Variants in SNX1 observed in about 807,000 individuals in gnomAD.
SNX1 encodes sorting nexin-1.
SNX1 carries 36 observed loss-of-function variants against 71.8 expected under a neutral mutation model. The observed-to-expected ratio is 0.50, with a 90% CI of 0.38 to 0.66. SNX1 has a LOEUF of 0.66. Among genes scored for constraint, SNX1 ranks in the 30% least tolerant of loss-of-function variants. SNX1 has a pLI of 0.00. For synonymous variants in SNX1, 254 were observed against 240.7 expected, an observed-to-expected ratio of 1.06 and a Z score of -0.51; for missense variants, 612 against 646.7, an observed-to-expected ratio of 0.95 and a Z score of 0.58.
Position 64,134,766 on chromosome 15 carries a change from A to G in SNX1, c.1324A>G (p.Lys442Glu). Residue 442 changes from lysine to glutamate, a missense_variant, in exon 12 of 15, where the codon AAG becomes GAG. By Grantham distance (56) the Lys-to-Glu change is moderately conservative. Transcript: ENST00000559844. The surrounding 1 kb of genome is among the most constrained non-coding windows in gnomAD (Gnocchi z 4.1). ...EAEARLLWANKPDKLQQAKDE... is the reference protein window; with the variant it reads ...EAEARLLWANEPDKLQQAKDE... Reference sequence around the variant, plus strand: ...CGAGGCTCGGCTGCTGTGGGCCAACAAGCCTGATAAGCTGCAGCAGGCCAA... The same window carrying G: ...CGAGGCTCGGCTGCTGTGGGCCAACGAGCCTGATAAGCTGCAGCAGGCCAA... 1 of 1,613,958 alleles carries G rather than the reference A, an allele frequency of 6.2e-7. No homozygotes were observed. Among genetic ancestry groups the G allele is most frequent in the Non-Finnish European group, 8.5e-7 (1 of 1,180,006 alleles).
chr15:64,100,022 G>A (rs1328417095), intron 1 of SNX1, among the ~76,000 whole-genome samples: 1 of 152,122 alleles, frequency 6.6e-6, no homozygotes, highest in African/African-American at 2.4e-5. Context: ...GACCTCAATA[G>A]CATTTTGCTA....
chr15:64,130,437 C>T (rs1262096511), intron 10 of SNX1, 116 bp downstream of exon 10: 1 of 821,634 alleles, frequency 1.2e-6, no homozygotes. Flanking sequence ...ATTCTCAGCC[C>T]ACCTGGTCCT....
chr15:64,132,632 C>G (rs2140159205), intron 11 of SNX1, among the ~76,000 whole-genome samples: 1 of 152,324 alleles, frequency 6.6e-6, no homozygotes, highest in African/African-American at 2.4e-5. Context: ...GGCACCTACA[C>G]TCTAAGGGCC....
At chr15:64,113,839 AAG>A (rs10642801) in intron 2 of SNX1, among the ~76,000 whole-genome samples, 18 of 84,052 alleles carry the variant, frequency 2.1e-4, no homozygotes, top group East Asian at 1.1e-3. Flanking sequence ...GAAAGAAAGA[AAG>A]AGAGAGAGAG....
At chr15:64,115,870 G>C (rs2081123761) in intron 2 of SNX1, among the ~76,000 whole-genome samples, 1 of 152,318 alleles carries the variant, frequency 6.6e-6, no homozygotes, top group East Asian at 1.9e-4. Context: ...TTCCAAACAT[G>C]TTTGTTAACT....
intron 4 of SNX1, among the ~76,000 whole-genome samples, chr15:64,121,212 T>C (rs966622862): frequency 6.6e-6 from 1 of 152,236 alleles, no homozygotes; most frequent in East Asian, 1.9e-4. Flanking sequence ...GGGAACATAC[T>C]GGTTTCCTAA....
At position 64,134,562 on chromosome 15, in the gene SNX1, C is replaced by T. The variant is rs2081337615; in HGVS notation, c.1222-102C>T. 5 of 1,390,432 alleles carry T rather than the reference C, an allele frequency of 3.6e-6. No individual in the cohort carries two copies. The highest frequency in any genetic ancestry group is 4.9e-6 in the Non-Finnish European group (5 of 1,026,838). The allele number at this position is 1,390,432 out of a possible 1,614,324, so 86.1% of individuals were successfully genotyped here. On this transcript the variant is annotated intron_variant, in intron 11 of 14. Coordinates refer to ENST00000559844, the MANE Select transcript of SNX1 (RefSeq NM_003099.5). This position sits in a 1 kb window ranked among gnomAD's most constrained non-coding sequence, Gnocchi z 4.1. The stretch of plus-strand genomic sequence containing the variant: ...TGTGGCTGCAGAACCTGCCCTTGCT[C>T]AGTCTGTCCCTGGTGCAGCTGCTGG...
rs1477228867 is a variant in SNX1, at chr15:64,129,215, C to T, written c.808-701C>T. On this transcript the variant is annotated intron_variant, in intron 8 of 14. Coordinates refer to ENST00000559844, the MANE Select transcript of SNX1 (RefSeq NM_003099.5). The surrounding 1 kb of genome is among the most constrained non-coding windows in gnomAD (Gnocchi z 4.4). ...TGAGCTGAGATCGTGCCACTGCACT[C>T]CAGCCTGGGCGACAAGAGCAAGACT... Among the ~76,000 whole-genome samples, 1 of 151,674 alleles carries T rather than the reference C, an allele frequency of 6.6e-6. No homozygotes were observed. Among genetic ancestry groups the T allele is most frequent in the African/African-American group, 2.4e-5 (1 of 41,232 alleles).
rs773120118 is a variant in SNX1 at position 64,137,571 on chromosome 15, G to T, written c.1522G>T (p.Ala508Ser). 2 of 1,614,134 alleles carry T rather than the reference G, an allele frequency of 1.2e-6. No individual in the cohort carries two copies. The highest frequency in any genetic ancestry group is 1.7e-6 in the Non-Finnish European group (2 of 1,180,006). Residue 508 changes from alanine to serine, a missense_variant, in exon 15 of 15, where the codon GCA becomes TCA. By Grantham distance (99) the Ala-to-Ser change is moderately conservative. This residue lies in a region of SNX1 where 296 missense variants were observed against 361.9 expected (regional missense o/e 0.82). Transcript: ENST00000559844. ...ETLLYSQQQL[A>S]KYWEAFLPEA... is the part of the protein sequence containing the mutation. ...TAATGTCCCCACTTCTTTGCAGCTG[G>T]CAAAGTACTGGGAAGCCTTCCTTCC...
At position 64,140,103 on chromosome 15, in the gene SNX1, G is replaced by C. The variant is rs1323287559; in HGVS notation, c.*2485G>C. The C allele has an allele frequency of 6.6e-6, 1 of 152,262 alleles. No homozygotes were observed. The highest frequency in any genetic ancestry group is 1.5e-5 in the Non-Finnish European group (1 of 68,054). 9.4% of individuals were successfully genotyped at this position (152,262 alleles called of 1,614,324 possible). A position where few individuals can be genotyped will look rare whatever the true frequency, so the allele number is the denominator to read the frequency against. On this transcript the variant is annotated 3_prime_UTR_variant, in exon 15 of 15. Coordinates refer to ENST00000559844, the MANE Select transcript of SNX1 (RefSeq NM_003099.5). The stretch of plus-strand genomic sequence containing the variant: ...TCTTTGTAATTTACAAGTAATTTGT[G>C]GGGAGATACTTTGAGACTATATAAG...
intron 1 of SNX1, among the ~76,000 whole-genome samples, chr15:64,098,638 C>T (rs530648394): frequency 4.8e-5 from 7 of 146,576 alleles, no homozygotes; most frequent in South Asian, 2.1e-4. Context: ...TGCAGTGAGC[C>T]GAGATTGTGC....
chr15:64,108,082 A>G (rs2081040930), intron 1 of SNX1, among the ~76,000 whole-genome samples: 1 of 151,850 alleles, frequency 6.6e-6, no homozygotes, highest in South Asian at 2.1e-4. Flanking sequence ...AGTCCCAGCT[A>G]CTTGGGAGGC....
Position 64,134,378 on chromosome 15 carries a change from C to T in SNX1, c.1222-286C>T. On this transcript the variant is annotated intron_variant, in intron 11 of 14. Transcript: ENST00000559844. The surrounding 1 kb of genome is among the most constrained non-coding windows in gnomAD (Gnocchi z 4.1). Reference sequence around the variant, plus strand: ...ATCTGAGGGAGGCACTTCTGTAAGCCATAGTATTGGTCACTGGCATGAGGC... The same window carrying T: ...ATCTGAGGGAGGCACTTCTGTAAGCTATAGTATTGGTCACTGGCATGAGGC... 2.6e-6 allele frequency: 1 copy of T among 383,510 alleles called. No homozygotes were observed. The highest frequency in any genetic ancestry group is 4.8e-6 in the Non-Finnish European group (1 of 210,250). The allele number at this position is 383,510 out of a possible 1,614,324, so 23.8% of individuals were successfully genotyped here.
At position 64,129,691 on chromosome 15, in the gene SNX1, A is replaced by AT. The variant is rs2081287436; in HGVS notation, c.808-225_808-224insT. On this transcript the variant is annotated intron_variant, in intron 8 of 14. Coordinates refer to ENST00000559844, the MANE Select transcript of SNX1 (RefSeq NM_003099.5). This position sits in a 1 kb window ranked among gnomAD's most constrained non-coding sequence, Gnocchi z 4.4. ...CCCCAGTCTACTTTTTTTCTGTATA[A>AT]AATATCAAAAGCTGAAAATGTTGCT... Among the ~76,000 whole-genome samples the AT allele has an allele frequency of 6.6e-6, 1 of 152,172 alleles. No individual in the cohort carries two copies. The highest frequency in any genetic ancestry group is 1.5e-5 in the Non-Finnish European group (1 of 68,036).
chr15:64,132,569 A>G (rs866094913), intron 11 of SNX1, among the ~76,000 whole-genome samples: 1 of 152,180 alleles, frequency 6.6e-6, no homozygotes, highest in African/African-American at 2.4e-5. Context: ...TGACAGTAGT[A>G]TTAGCTGTCG....
rs28448356 is a variant in SNX1, at chr15:64,131,027, G to A, written c.1016-660G>A. 5.7e-3 allele frequency among the ~76,000 whole-genome samples: 873 copies of A among 152,318 alleles called. 8 individuals carry two copies. Among genetic ancestry groups the A allele is most frequent in the African/African-American group, 0.02 (843 of 41,578 alleles). On this transcript the variant is annotated intron_variant, in intron 10 of 14. Transcript: ENST00000559844. ...TAGCCGGTCGCGGTGGCTCACGCCT[G>A]TAATCCCAGCAATTTGGGAGGCCGA...
chr15:64,111,952 A>G (rs1296396562), intron 1 of SNX1, among the ~76,000 whole-genome samples: 2 of 152,206 alleles, frequency 1.3e-5, no homozygotes, highest in East Asian at 1.9e-4. Flanking sequence ...TATTTTCACC[A>G]TGTGCTCACT....
chr15:64,107,021 A>T (rs969969831), intron 1 of SNX1, among the ~76,000 whole-genome samples: 7 of 152,212 alleles, frequency 4.6e-5, no homozygotes, highest in African/African-American at 1.7e-4. Context: ...ACAGTATTTC[A>T]TGCTAAGTTC....
Position 64,096,037 on chromosome 15 carries a change from T to G in SNX1, c.24T>G (p.Cys8Trp). MASGGGGCSASERLPPPF... is the reference protein window; with the variant it reads MASGGGGWSASERLPPPF... Reference sequence around the variant, plus strand: ...AGATGGCGTCGGGTGGTGGTGGCTGTAGCGCTTCGGAGAGACTGCCTCCGC... The same window carrying G: ...AGATGGCGTCGGGTGGTGGTGGCTGGAGCGCTTCGGAGAGACTGCCTCCGC... The change falls in exon 1 of 15, where the codon TGT becomes TGG. Residue 8 changes from cysteine to tryptophan, a missense_variant. Cys to Trp is a radical substitution (Grantham distance 215). This residue lies in a region of SNX1 where 316 missense variants were observed against 284.9 expected (regional missense o/e 1.11). Coordinates refer to ENST00000559844, the MANE Select transcript of SNX1 (RefSeq NM_003099.5). 2 of 1,594,866 alleles carry G rather than the reference T, an allele frequency of 1.3e-6. No homozygotes were observed. The highest frequency in any genetic ancestry group is 1.7e-6 in the Non-Finnish European group (2 of 1,174,794).
Sources: allele counts gnomAD v4.1 joint callset (sites outside exome capture counted in the v4.1 genomes callset), GRCh38; gene constraint gnomAD v4.1.1; regional missense constraint gnomAD v4.1.1; non-coding constraint Gnocchi (gnomAD v3.1); transcripts MANE v1.5; gene names NCBI Gene and HGNC (gene_info 2026-07-23, HGNC 2026-07-21).